CCM2: variants seen among roughly 807,000 people sequenced by gnomAD.
CCM2 encodes the protein CCM2 scaffold protein.
Under a neutral mutation model 44.9 loss-of-function variants are expected in CCM2, and 25 were observed. The observed-to-expected ratio is 0.56, with a 90% CI of 0.41 to 0.78. CCM2 has a LOEUF of 0.78. Ranked by LOEUF, CCM2 falls within the 30% of genes least tolerant of loss-of-function variation. The pLI is 0.00. For synonymous variants in CCM2, 219 were observed against 241.1 expected (o/e 0.91, Z 0.85); for missense variants, 481 against 580.6 (o/e 0.83, Z 1.76).
At chr7:45,072,051 T>C (rs949227100) in intron 6 of CCM2, 8 of 360,460 alleles carry the variant, frequency 2.2e-5, no homozygotes, top group Non-Finnish European at 4.4e-5. Flanking sequence ...ATTTAAAATC[T>C]TACCCTCTCT....
In CCM2 at chr7:45,020,165, A is replaced by G. The variant is rs538840283; in HGVS notation, c.31-18088A>G. ...CATACTCTCAGGAGTAAAGCAATAT[A>G]AAAGTGGATCTTGCCCAGTGATGTT... On this transcript the variant is annotated intron_variant, in intron 1 of 9. Transcript: ENST00000258781. Among the ~76,000 whole-genome samples the G allele has an allele frequency of 7.2e-5, 11 of 152,316 alleles. No individual in the cohort carries two copies. In the East Asian group the frequency reaches 1.7e-3, roughly 24 times the overall value.
chr7:45,010,252 A>G (rs78330280), intron 1 of CCM2, among the ~76,000 whole-genome samples: 1,908 of 152,272 alleles, frequency 0.013, 34 homozygotes, highest in African/African-American at 0.043. Context: ...AAATTTTGAC[A>G]AATGCATACT....
At chr7:45,038,451 G>A (rs370580229) in intron 2 of CCM2, 25 bp downstream of exon 2, 92 of 1,612,660 alleles carry the variant, frequency 5.7e-5, no homozygotes, top group Middle Eastern at 5.1e-4. Context: ...GCCACAGGAC[G>A]TGCCTGCCAA....
chr7:45,033,829 C>G (rs1186649244), intron 1 of CCM2, among the ~76,000 whole-genome samples: 1 of 152,150 alleles, frequency 6.6e-6, no homozygotes, highest in Non-Finnish European at 1.5e-5. Context: ...TTGAGAGTGC[C>G]AGAAGAGAGG....
At chr7:45,055,122 A>G (rs1178955350) in intron 2 of CCM2, among the ~76,000 whole-genome samples, 1 of 152,210 alleles carries the variant, frequency 6.6e-6, no homozygotes, top group African/African-American at 2.4e-5. Context: ...TTTGGATAAC[A>G]CCAAAGAAAA....
At chr7:45,027,818 GA>G in intron 1 of CCM2, 1 of 1,613,642 alleles carries the variant, frequency 6.2e-7, no homozygotes, top group Non-Finnish European at 8.5e-7. Context: ...GTCCAGTGTG[GA>G]AAGCGCCATT....
At chr7:44,999,869 C>A, upstream of CCM2, 1 of 394,112 alleles carries the variant, frequency 2.5e-6, no homozygotes, top group South Asian at 1.7e-5. Context: ...TGCGTTCTCG[C>A]GGCCGTGCAG....
chr7:45,014,003 T>C (rs192930327), intron 1 of CCM2, among the ~76,000 whole-genome samples: 1 of 152,202 alleles, frequency 6.6e-6, no homozygotes, highest in South Asian at 2.1e-4. Flanking sequence ...AAAGTTCTTA[T>C]TTATTCTTAT....
intron 1 of CCM2, among the ~76,000 whole-genome samples, chr7:45,015,386 T>A (rs955116712): frequency 6.6e-6 from 1 of 152,190 alleles, no homozygotes; most frequent in Non-Finnish European, 1.5e-5. Flanking sequence ...CATGCTGCTG[T>A]TCCCTCCCCA....
chr7:45,072,946 G>T (rs534016999), intron 7 of CCM2, 163 bp downstream of exon 7: 1 of 701,736 alleles, frequency 1.4e-6, no homozygotes, highest in Non-Finnish European at 2.6e-6. Flanking sequence ...GGCCTGGCTC[G>T]CCGCCCTCTC....
chr7:45,073,259 GC>G, intron 7 of CCM2, 200 bp from the exon 8 acceptor site: 1 of 620,310 alleles, frequency 1.6e-6, no homozygotes, highest in South Asian at 1.8e-5. Flanking sequence ...TCAGAGCCAT[GC>G]CCCCGGGGAG....
At chr7:45,037,241 C>T (rs1426939372) in intron 1 of CCM2, among the ~76,000 whole-genome samples, 4 of 142,386 alleles carry the variant, frequency 2.8e-5, no homozygotes, top group African/African-American at 1.0e-4. Context: ...CAGGTCTTTT[C>T]CTGGGTTCTG....
intron 6 of CCM2, 155 bp from the exon 7 acceptor site, chr7:45,072,571 A>G: frequency 2.8e-6 from 2 of 705,998 alleles, no homozygotes; most frequent in Non-Finnish European, 5.1e-6. Context: ...GGCACACAGC[A>G]CATTCCAGAG....
At chr7:45,026,762 C>T (rs1796707648) in intron 1 of CCM2, among the ~76,000 whole-genome samples, 7 of 151,942 alleles carry the variant, frequency 4.6e-5, no homozygotes, top group South Asian at 4.2e-4. Flanking sequence ...ATCACCACGC[C>T]CGGCTAATTT....
chr7:45,049,443 T>G (rs1224562147), intron 2 of CCM2, among the ~76,000 whole-genome samples: 1 of 152,168 alleles, frequency 6.6e-6, no homozygotes, highest in Non-Finnish European at 1.5e-5. Context: ...TCCCAAATGA[T>G]TACACGGTAT....
intron 1 of CCM2, among the ~76,000 whole-genome samples, chr7:45,015,668 C>G (rs1227781048): frequency 6.6e-6 from 1 of 152,212 alleles, no homozygotes; most frequent in Non-Finnish European, 1.5e-5. Flanking sequence ...CATGCCTTCT[C>G]TAATCCTATG....
intron 7 of CCM2, 194 bp from the exon 8 acceptor site, chr7:45,073,266 G>C (rs950296785): frequency 2.4e-5 from 15 of 627,110 alleles, no homozygotes; most frequent in Non-Finnish European, 3.8e-5. Context: ...CATGCCCCCG[G>C]GGAGCCCCAG....
At chr7:45,023,723 C>CTT (rs368536421) in intron 1 of CCM2, among the ~76,000 whole-genome samples, 10 of 77,916 alleles carry the variant, frequency 1.3e-4, no homozygotes, top group South Asian at 4.3e-4. Flanking sequence ...ACTGGGAAAT[C>CTT]TTTTTTTTTT....
In CCM2 at chr7:45,070,127, T is replaced by C. The variant is rs545002773; in HGVS notation, c.745+166T>C. 14 of 812,390 alleles carry C rather than the reference T, an allele frequency of 1.7e-5. No individual in the cohort carries two copies. The East Asian group carries it at 3.7e-4, about 21-fold the overall frequency. The allele number at this position is 812,390 out of a possible 1,614,324, so 50.3% of individuals were successfully genotyped here. ...GTTCACATTAGCCCATAGGGTTTCA[T>C]GAAGGCAGAAGTGTCACCTGTCCTT... On this transcript the variant is annotated intron_variant, in intron 6 of 9. Coordinates refer to ENST00000258781, the MANE Select transcript of CCM2 (RefSeq NM_031443.4).
Sources: gnomAD v4.1 joint callset for allele counts (sites outside exome capture counted in the v4.1 genomes callset) on GRCh38, gnomAD v4.1.1 for gene constraint, MANE v1.5 for transcripts, NCBI Gene and HGNC (gene_info 2026-07-23, HGNC 2026-07-21) for gene names.